GPD1L: variants seen among roughly 807,000 people sequenced by gnomAD.
GPD1L encodes glycerol-3-phosphate dehydrogenase 1-like protein.
Under a neutral mutation model 32.9 loss-of-function variants are expected in GPD1L, and 17 were observed. The ratio of observed to expected loss-of-function variants is 0.52; its 90% CI spans 0.35 to 0.78. The LOEUF is 0.78. Among genes scored for constraint, GPD1L ranks in the 30% least tolerant of loss-of-function variants. The pLI, the probability that GPD1L is intolerant of heterozygous loss-of-function variation, is 0.01. For missense variants in GPD1L, 361 were observed against 447.8 expected, an observed-to-expected ratio of 0.81 and a Z score of 1.75; for synonymous variants, 187 against 165.9, an observed-to-expected ratio of 1.13 and a Z score of -0.98.
At chr3:32,142,159 G>A (rs1317975800) in intron 4 of GPD1L, among the ~76,000 whole-genome samples, 5 of 150,570 alleles carry the variant, frequency 3.3e-5, no homozygotes, top group African/African-American at 4.9e-5. Context: ...TCACCCTGTC[G>A]CCAGGCTTGA....
intron 2 of GPD1L, among the ~76,000 whole-genome samples, chr3:32,137,243 A>C (rs1020320837): frequency 4.6e-5 from 7 of 152,216 alleles, no homozygotes; most frequent in African/African-American, 1.7e-4. Context: ...AGTTAGGTTT[A>C]AATACATATG....
chr3:32,143,929 C>T (rs1180832826), intron 4 of GPD1L, among the ~76,000 whole-genome samples: 2 of 152,080 alleles, frequency 1.3e-5, no homozygotes, highest in Non-Finnish European at 2.9e-5. Flanking sequence ...CTGCAATGAG[C>T]AGTGATCGCA....
intron 5 of GPD1L, among the ~76,000 whole-genome samples, chr3:32,147,754 C>A (rs1358401638): frequency 6.6e-6 from 1 of 152,194 alleles, no homozygotes; most frequent in Non-Finnish European, 1.5e-5. Context: ...ATCCACCAGT[C>A]ACCTGTCTTT....
intron 2 of GPD1L, among the ~76,000 whole-genome samples, chr3:32,133,028 A>G (rs924515255): frequency 2.6e-5 from 4 of 152,162 alleles, no homozygotes; most frequent in African/African-American, 4.8e-5. Context: ...AGCCTCTACT[A>G]TGTCCCAAGT....
chr3:32,149,876 G>T (rs1347049720), intron 5 of GPD1L, among the ~76,000 whole-genome samples: 1 of 151,748 alleles, frequency 6.6e-6, no homozygotes, highest in Non-Finnish European at 1.5e-5. Context: ...TTGAATCTGG[G>T]AGGCAGAGGC....
Position 32,128,647 on chromosome 3 carries a change from T to C in GPD1L, c.225+394T>C, listed in dbSNP as rs1700546283. 3.3e-5 allele frequency among the ~76,000 whole-genome samples: 5 copies of C among 152,288 alleles called. No individual in the cohort carries two copies. The South Asian group carries it at 1.0e-3, about 32-fold the overall frequency. On this transcript the variant is annotated intron_variant, in intron 2 of 7. Transcript: ENST00000282541. ...TAATCTCCTCTTATAAAGATAGCAGTCATATTGGATAAAGACCCACCCCAA... is the reference window on the plus strand; with the variant it reads ...TAATCTCCTCTTATAAAGATAGCAGCCATATTGGATAAAGACCCACCCCAA...
intron 1 of GPD1L, among the ~76,000 whole-genome samples, chr3:32,120,597 A>G (rs1700398439): frequency 6.6e-6 from 1 of 152,180 alleles, no homozygotes; most frequent in Non-Finnish European, 1.5e-5. Context: ...GGTACAGGAC[A>G]ATGAAGGAGG....
intron 7 of GPD1L, among the ~76,000 whole-genome samples, chr3:32,163,460 A>G (rs1026494838): frequency 6.6e-6 from 1 of 152,164 alleles, no homozygotes; most frequent in African/African-American, 2.4e-5. Flanking sequence ...GAGCCAGCAC[A>G]CCCAGGCCTC....
intron 4 of GPD1L, among the ~76,000 whole-genome samples, chr3:32,146,161 A>G (rs1203144386): frequency 6.8e-6 from 1 of 147,044 alleles, no homozygotes; most frequent in Non-Finnish European, 1.5e-5. Context: ...ATCTCAGCTC[A>G]CTACAGCCTC....
chr3:32,140,123 T>C, intron 3 of GPD1L, 105 bp from the exon 4 acceptor site: 3 of 1,150,588 alleles, frequency 2.6e-6, no homozygotes, highest in Non-Finnish European at 3.9e-6. Context: ...TTTACTCTTG[T>C]AAGTAGGAGA....
In GPD1L at chr3:32,168,406, A is replaced by C. The variant is rs897280538; in HGVS notation, c.*2496A>C. The stretch of plus-strand genomic sequence containing the variant: ...GCCAATCTGTGAATGTAAAAACTAC[A>C]CTGTTGCCTTGCTAGGATCCACCCT... On this transcript the variant is annotated 3_prime_UTR_variant, in exon 8 of 8. Transcript: ENST00000282541. 2 of 152,668 alleles carry C rather than the reference A, an allele frequency of 1.3e-5. No individual in the cohort carries two copies. Among genetic ancestry groups the C allele is most frequent in the African/African-American group, 2.4e-5 (1 of 41,452 alleles). The allele number at this position is 152,668 out of a possible 1,614,324, so 9.5% of individuals were successfully genotyped here. A position where few individuals can be genotyped will look rare whatever the true frequency, so the allele number is the denominator to read the frequency against.
At chr3:32,111,864 C>T (rs1174714942) in intron 1 of GPD1L, among the ~76,000 whole-genome samples, 1 of 151,028 alleles carries the variant, frequency 6.6e-6, no homozygotes, top group Non-Finnish European at 1.5e-5. Flanking sequence ...AGCATCCTGG[C>T]TGTTCATCCG....
intron 1 of GPD1L, among the ~76,000 whole-genome samples, chr3:32,119,713 A>AT (rs1175938262): frequency 6.6e-6 from 1 of 152,162 alleles, no homozygotes; most frequent in African/African-American, 2.4e-5. Context: ...ATTATTCATA[A>AT]TTTTTTTCAT....
intron 4 of GPD1L, among the ~76,000 whole-genome samples, chr3:32,145,582 G>A (rs557031942): frequency 6.6e-6 from 1 of 152,078 alleles, no homozygotes. Context: ...GTGACTTGAG[G>A]GAGGGGCTGG....
Position 32,166,320 on chromosome 3 carries a change from A to C in GPD1L, c.*410A>C. On this transcript the variant is annotated 3_prime_UTR_variant, in exon 8 of 8. Transcript: ENST00000282541. Reference sequence around the variant, plus strand: ...TTTCTAGTGTTAAATTTTAACCAGCATTAACATGGTAGAGTGGAGGAGTGA... The same window carrying C: ...TTTCTAGTGTTAAATTTTAACCAGCCTTAACATGGTAGAGTGGAGGAGTGA... 3.4e-6 allele frequency: 1 copy of C among 293,806 alleles called. No homozygotes were observed. Among genetic ancestry groups the C allele is most frequent in the Non-Finnish European group, 6.6e-6 (1 of 152,512 alleles). 18.2% of individuals were successfully genotyped at this position (293,806 alleles called of 1,614,324 possible).
chr3:32,108,556 A>AG (rs1304154407), intron 1 of GPD1L, among the ~76,000 whole-genome samples: 1 of 152,190 alleles, frequency 6.6e-6, no homozygotes, highest in East Asian at 1.9e-4. Context: ...AAAACCAAAG[A>AG]GTACCAAAAA....
intron 7 of GPD1L, among the ~76,000 whole-genome samples, chr3:32,160,958 G>C (rs541977379): frequency 6.6e-6 from 1 of 152,202 alleles, no homozygotes; most frequent in Non-Finnish European, 1.5e-5. Flanking sequence ...TAGGGGAGGG[G>C]AGGTCTTGTT....
chr3:32,142,692 G>T (rs1408408970), intron 4 of GPD1L, among the ~76,000 whole-genome samples: 1 of 152,118 alleles, frequency 6.6e-6, no homozygotes, highest in Non-Finnish European at 1.5e-5. Flanking sequence ...ATCTTAATCT[G>T]CAATCCCAAT....
At chr3:32,164,209 A>G (rs1701113476) in intron 7 of GPD1L, among the ~76,000 whole-genome samples, 1 of 152,244 alleles carries the variant, frequency 6.6e-6, no homozygotes, top group Non-Finnish European at 1.5e-5. Context: ...TTGGATGGCC[A>G]GTCATCTGCT....
Sources: allele counts gnomAD v4.1 joint callset (sites outside exome capture counted in the v4.1 genomes callset), GRCh38; gene constraint gnomAD v4.1.1; transcripts MANE v1.5; gene names NCBI Gene and HGNC (gene_info 2026-07-23, HGNC 2026-07-21).